Variants in DPY19L4 observed in about 807,000 individuals in gnomAD.
The protein encoded by DPY19L4 is dpy-19 like 4.
A neutral mutation model predicts 102.8 loss-of-function variants in DPY19L4; 97 were observed. The observed-to-expected ratio is 0.94, with a 90% confidence interval of 0.80 to 1.12. DPY19L4 has a LOEUF of 1.12. Among genes scored for constraint, DPY19L4 ranks in the 50% most tolerant of loss-of-function variants. The pLI is 0.00. For synonymous variants in DPY19L4, 252 were observed against 283.1 expected, an observed-to-expected ratio of 0.89 and a Z score of 1.10; for missense variants, 815 against 850.4, an observed-to-expected ratio of 0.96 and a Z score of 0.52.
rs757073227 is a variant in DPY19L4 at position 94,787,888 on chromosome 8, T to C, written c.1849-6T>C. 6.7e-5 allele frequency: 90 copies of C among 1,346,192 alleles called. No individual in the cohort carries two copies. Among genetic ancestry groups the C allele is most frequent in the Non-Finnish European group, 8.4e-5 (87 of 1,038,064 alleles). 83.4% of individuals were successfully genotyped at this position (1,346,192 alleles called of 1,614,324 possible). On this transcript the variant is annotated splice_region_variant and splice_polypyrimidine_tract_variant and intron_variant, in intron 17 of 18. Coordinates refer to ENST00000414645, the MANE Select transcript of DPY19L4 (RefSeq NM_181787.3). ...TTTCAGTTTTATTTTAATTATATTC[T>C]TTCAGATCTACCAAATCTATTCAAA...
At chr8:94,730,751 T>G (rs1810913271) in intron 2 of DPY19L4, among the ~76,000 whole-genome samples, 1 of 138,384 alleles carries the variant, frequency 7.2e-6, no homozygotes, top group South Asian at 2.4e-4. Context: ...GTCTCTTTTT[T>G]TTTTTTTTTT....
intron 7 of DPY19L4, among the ~76,000 whole-genome samples, chr8:94,757,979 G>A (rs1812236556): frequency 6.6e-6 from 1 of 151,826 alleles, no homozygotes; most frequent in Non-Finnish European, 1.5e-5. Flanking sequence ...GGGTGTGGTG[G>A]TGCACAGCTG....
At chr8:94,746,234 G>T (rs1244272527) in intron 6 of DPY19L4, among the ~76,000 whole-genome samples, 3 of 149,488 alleles carry the variant, frequency 2.0e-5, no homozygotes, top group Non-Finnish European at 4.4e-5. Flanking sequence ...GCTAATTTTT[G>T]TATTTTAGTA....
chr8:94,764,572 T>A (rs1812547591), intron 8 of DPY19L4, among the ~76,000 whole-genome samples: 2 of 118,860 alleles, frequency 1.7e-5, no homozygotes, highest in Admixed American at 9.1e-5. Context: ...CGAGACTCCG[T>A]CTCAAAAAAA....
At chr8:94,725,704 C>T (rs1810656467) in intron 1 of DPY19L4, among the ~76,000 whole-genome samples, 1 of 152,076 alleles carries the variant, frequency 6.6e-6, no homozygotes, top group African/African-American at 2.4e-5. Context: ...GGCACGATCT[C>T]GGCTCACTGC....
chr8:94,784,397 T>A (rs1586428035), intron 17 of DPY19L4, among the ~76,000 whole-genome samples: 1 of 152,236 alleles, frequency 6.6e-6, no homozygotes, highest in South Asian at 2.1e-4. Flanking sequence ...TAAAATATTG[T>A]TCTCAATCAA....
At chr8:94,747,925 A>G (rs1318243046) in intron 6 of DPY19L4, among the ~76,000 whole-genome samples, 1 of 152,168 alleles carries the variant, frequency 6.6e-6, no homozygotes, top group Non-Finnish European at 1.5e-5. Context: ...AAGTTGCAGA[A>G]CCCTGTGAAT....
intron 17 of DPY19L4, among the ~76,000 whole-genome samples, chr8:94,786,222 G>A (rs1488549671): frequency 6.6e-6 from 1 of 152,010 alleles, no homozygotes; most frequent in Non-Finnish European, 1.5e-5. Context: ...CGCCTCCCAG[G>A]TTCAAACAGT....
intron 11 of DPY19L4, 118 bp downstream of exon 11, chr8:94,766,803 C>T (rs1023885768): frequency 1.1e-5 from 10 of 880,726 alleles, no homozygotes; most frequent in East Asian, 2.7e-5. Context: ...TTTAGGAGGC[C>T]GAGGTGGGTG....
At chr8:94,749,841 A>T (rs985113543) in intron 6 of DPY19L4, among the ~76,000 whole-genome samples, 1 of 152,234 alleles carries the variant, frequency 6.6e-6, no homozygotes, top group Non-Finnish European at 1.5e-5. Context: ...TGGTATTGGG[A>T]CAACCAAATC....
chr8:94,783,727 T>C lies in DPY19L4; in HGVS notation c.1773T>C (p.Ile591=). 5 of 1,614,160 alleles carry C rather than the reference T, an allele frequency of 3.1e-6. No homozygotes were observed. The highest frequency in any genetic ancestry group is 1.3e-5 in the African/African-American group (1 of 75,060). Residue 591 remains isoleucine, a synonymous_variant, in exon 17 of 19, where the codon ATT becomes ATC. Transcript: ENST00000414645. ...FAGSPQLMGA[I]KLCTGWMVTS... ...GGAGTCCACAGTTAATGGGTGCGATTAAATTATGCACTGGATGGATGGTGA... is the reference window on the plus strand; with the variant it reads ...GGAGTCCACAGTTAATGGGTGCGATCAAATTATGCACTGGATGGATGGTGA...
intron 6 of DPY19L4, among the ~76,000 whole-genome samples, chr8:94,747,896 C>T (rs760948835): frequency 7.9e-5 from 12 of 151,632 alleles, no homozygotes; most frequent in African/African-American, 2.2e-4. Flanking sequence ...AATGAAGACA[C>T]GAAATTAAAC....
intron 6 of DPY19L4, among the ~76,000 whole-genome samples, chr8:94,750,775 C>T (rs1811883377): frequency 6.6e-6 from 1 of 151,582 alleles, no homozygotes; most frequent in African/African-American, 2.4e-5. Flanking sequence ...CCATCACTAC[C>T]CAAAATTTCC....
At chr8:94,722,143 C>T (rs1374037282) in intron 1 of DPY19L4, among the ~76,000 whole-genome samples, 1 of 147,562 alleles carries the variant, frequency 6.8e-6, no homozygotes, top group Admixed American at 6.8e-5. Context: ...CAAGGTGGCT[C>T]ACGCCTGTAA....
Position 94,780,389 on chromosome 8 carries a change from A to T in DPY19L4, c.1606A>T (p.Ile536Leu). Residue 536 changes from isoleucine (I) to leucine (L), a missense_variant, in exon 15 of 19, where the codon ATA becomes TTA. Ile to Leu is a conservative substitution (Grantham distance 5). Transcript: ENST00000414645. Reference protein sequence around the residue: ...ALILSMAVPTIIGLSLWKEFF... With the variant: ...ALILSMAVPTLIGLSLWKEFF... ...TATTCTGAGCATGGCCGTGCCTACT[A>T]TAATAGGTCTCAGCTTATGGAAAGA... 1.3e-6 allele frequency: 2 copies of T among 1,492,336 alleles called. No individual in the cohort carries two copies. The highest frequency in any genetic ancestry group is 1.8e-6 in the Non-Finnish European group (2 of 1,106,862). The allele number at this position is 1,492,336 out of a possible 1,614,324, so 92.4% of individuals were successfully genotyped here. A position where few individuals can be genotyped will look rare whatever the true frequency, so the allele number is the denominator to read the frequency against.
intron 16 of DPY19L4, among the ~76,000 whole-genome samples, chr8:94,782,096 T>A (rs1244395067): frequency 1.3e-5 from 2 of 152,222 alleles, no homozygotes; most frequent in African/African-American, 2.4e-5. Flanking sequence ...ATTTAGGGTT[T>A]GCTACATAAC....
intron 15 of DPY19L4, 59 bp from the exon 16 acceptor site, chr8:94,781,025 C>A: frequency 2.1e-6 from 3 of 1,408,782 alleles, no homozygotes; most frequent in Non-Finnish European, 1.9e-6. Context: ...CAGTTTTAAA[C>A]TTTCTAATTA....
At chr8:94,733,666 C>T (rs560862339) in intron 2 of DPY19L4, among the ~76,000 whole-genome samples, 20 of 151,974 alleles carry the variant, frequency 1.3e-4, no homozygotes, top group African/African-American at 3.6e-4. Context: ...CTCAGCCTCC[C>T]GAGTAGCTGG....
chr8:94,743,049 T>A (rs369352685), intron 6 of DPY19L4, among the ~76,000 whole-genome samples: 1 of 151,362 alleles, frequency 6.6e-6, no homozygotes, highest in Non-Finnish European at 1.5e-5. Flanking sequence ...TTTTTTGAGA[T>A]GTAGTCTTGC....
Sources: gnomAD v4.1 joint callset for allele counts (sites outside exome capture counted in the v4.1 genomes callset) on GRCh38, gnomAD v4.1.1 for gene constraint, MANE v1.5 for transcripts, NCBI Gene and HGNC (gene_info 2026-07-23, HGNC 2026-07-21) for gene names.